The following HMCN1 variants were observed in gnomAD, a reference collection of about 807,000 sequenced individuals.
HMCN1 encodes the protein hemicentin 1.
HMCN1 carries 321 observed loss-of-function variants against 625.9 expected under a neutral mutation model. The observed-to-expected ratio is 0.51, with a 90% CI of 0.47 to 0.56. The LOEUF is 0.56. HMCN1 is among the 20% of genes least tolerant of loss of function. The pLI is 0.00. For missense variants in HMCN1, 6,588 were observed against 6,887.3 expected (o/e 0.96, Z 1.54); for synonymous variants, 2,425 against 2,417.6 (o/e 1.00, Z -0.09).
intron 1 of HMCN1, among the ~76,000 whole-genome samples, chr1:185,787,039 T>A (rs1288114729): frequency 6.6e-6 from 1 of 152,204 alleles, no homozygotes; most frequent in Non-Finnish European, 1.5e-5. Flanking sequence ...TAAGCTAGAA[T>A]ATGTTCCTTT....
rs1169995186 is a variant in HMCN1, at chr1:186,168,658, G to C, written c.15574+1716G>C. On this transcript the variant is annotated intron_variant, in intron 100 of 106. Coordinates refer to ENST00000271588, the MANE Select transcript of HMCN1 (RefSeq NM_031935.3). Reference sequence around the variant, plus strand: ...GTTTGGAATATAGCAAGACAGAAGTGGCAGGAACTGGAGATGAGTATAGAC... The same window carrying C: ...GTTTGGAATATAGCAAGACAGAAGTCGCAGGAACTGGAGATGAGTATAGAC... Among the ~76,000 whole-genome samples the C allele has an allele frequency of 2.0e-5, 3 of 152,052 alleles. No individual in the cohort carries two copies. The East Asian group carries it at 5.8e-4, about 29-fold the overall frequency.
Position 185,982,377 on chromosome 1 carries a change from G to T in HMCN1, c.2778G>T (p.Lys926Asn). 1 of 1,613,206 alleles carries T rather than the reference G, an allele frequency of 6.2e-7. No individual in the cohort carries two copies. The highest frequency in any genetic ancestry group is 1.1e-5 in the South Asian group (1 of 91,048). Residue 926 changes from lysine (K) to asparagine (N), a missense_variant, in exon 18 of 107, where the codon AAG (lysine) becomes AAT (asparagine). Lys to Asn is a moderately conservative substitution (Grantham distance 94, BLOSUM62 0). Transcript: ENST00000271588. ...GNPIPERRWI[K>N]NSAMLLQNPY... The stretch of plus-strand genomic sequence containing the variant: ...CCATTCCAGAACGTCGGTGGATTAA[G>T]AATTCAGCTATGGTAAGAACATTTT...
Position 186,145,419 on chromosome 1 carries a change from T to C in HMCN1, c.14283T>C (p.Ser4761=). ...GTCTTGTAGCCCATGGTAACTGGAGTCCTTGGAGTGGCTGGGGAACATGCA... is the reference window on the plus strand; with the variant it reads ...GTCTTGTAGCCCATGGTAACTGGAGCCCTTGGAGTGGCTGGGGAACATGCA... ...SDPCPTHGNW[S]PWSGWGTCSR... is the part of the protein sequence containing the mutation. Residue 4761 remains serine (S), a synonymous_variant, in exon 92 of 107, where the codon AGT becomes AGC. Transcript: ENST00000271588. The C allele has an allele frequency of 1.3e-6, 2 of 1,584,224 alleles. No individual in the cohort carries two copies. The highest frequency in any genetic ancestry group is 1.7e-6 in the Non-Finnish European group (2 of 1,165,354).
At position 186,144,718 on chromosome 1, in the gene HMCN1, TAGTG is replaced by T. The variant is rs770465309; in HGVS notation, c.14266+19_14266+22del. On this transcript the variant is annotated intron_variant, in intron 91 of 106. Transcript: ENST00000271588. ...CCCTTGCCCAAGTGAGTGTTGGAAA[TAGTG>T]AGTCAACATTATACTTTCATAAAGT... The T allele has an allele frequency of 1.9e-6, 3 of 1,613,326 alleles. No individual in the cohort carries two copies. Among genetic ancestry groups the T allele is most frequent in the African/African-American group, 1.3e-5 (1 of 74,898 alleles).
At chr1:185,919,927 T>A (rs1242879762) in intron 6 of HMCN1, among the ~76,000 whole-genome samples, 1 of 152,216 alleles carries the variant, frequency 6.6e-6, no homozygotes, top group African/African-American at 2.4e-5. Flanking sequence ...TTTTTTCTCC[T>A]CCCTTTTCCA....
chr1:186,174,380 T>G, intron 102 of HMCN1, 134 bp from the exon 103 acceptor site: 2 of 1,004,450 alleles, frequency 2.0e-6, no homozygotes, highest in Admixed American at 3.8e-5. Context: ...TGATTCCAAG[T>G]TGTAAGCTGG....
chr1:185,908,316 C>T (rs553660107), intron 4 of HMCN1, among the ~76,000 whole-genome samples: 4 of 151,820 alleles, frequency 2.6e-5, no homozygotes, highest in African/African-American at 4.8e-5. Context: ...ACCACTTACA[C>T]CTAAATTTCA....
chr1:186,130,714 T>C lies in HMCN1; in HGVS notation c.13230+17T>C. Reference sequence around the variant, plus strand: ...GGCACTGTTGTAAGTCACGCCAGAATGATTGATGCACCTTTAAACCCCCAC... The same window carrying C: ...GGCACTGTTGTAAGTCACGCCAGAACGATTGATGCACCTTTAAACCCCCAC... On this transcript the variant is annotated intron_variant, in intron 85 of 106. Coordinates refer to ENST00000271588, the MANE Select transcript of HMCN1 (RefSeq NM_031935.3). 4 of 1,609,900 alleles carry C rather than the reference T, an allele frequency of 2.5e-6. No homozygotes were observed. In the South Asian group the frequency reaches 3.3e-5, roughly 13 times the overall value.
intron 1 of HMCN1, among the ~76,000 whole-genome samples, chr1:185,829,279 A>AT (rs987463180): frequency 7.4e-5 from 11 of 147,662 alleles, no homozygotes; most frequent in East Asian, 3.9e-4. Context: ...ACTTTGTTTC[A>AT]TTTTTTTTTT....
chr1:185,790,899 G>T (rs1485201805), intron 1 of HMCN1, among the ~76,000 whole-genome samples: 1 of 152,078 alleles, frequency 6.6e-6, no homozygotes, highest in Non-Finnish European at 1.5e-5. Flanking sequence ...ATTTATGAGA[G>T]ACTAATGGTG....
chr1:185,948,821 G>T (rs1440475695), intron 11 of HMCN1, among the ~76,000 whole-genome samples: 2 of 151,510 alleles, frequency 1.3e-5, no homozygotes, highest in African/African-American at 4.9e-5. Flanking sequence ...TATGGAGAGA[G>T]AATGGGCGAT....
chr1:185,819,351 A>AT (rs1194412098), intron 1 of HMCN1, among the ~76,000 whole-genome samples: 1 of 151,864 alleles, frequency 6.6e-6, no homozygotes, highest in African/African-American at 2.4e-5. Flanking sequence ...CATTTTCTTG[A>AT]TTTTAAAATT....
intron 84 of HMCN1, among the ~76,000 whole-genome samples, 159 bp downstream of exon 84, chr1:186,130,259 A>G (rs1379611525): frequency 6.6e-6 from 1 of 152,206 alleles, no homozygotes; most frequent in African/African-American, 2.4e-5. Context: ...AATTATGAAC[A>G]TTCAACTCAA....
intron 52 of HMCN1, among the ~76,000 whole-genome samples, chr1:186,073,426 G>A (rs926761345): frequency 3.3e-5 from 5 of 152,146 alleles, no homozygotes; most frequent in African/African-American, 1.2e-4. Flanking sequence ...AAGTCATTTG[G>A]CAACAAATGT....
chr1:185,961,209 G>A lies in HMCN1; in HGVS notation c.1829-1309G>A, dbSNP rs186605649. On this transcript the variant is annotated intron_variant, in intron 11 of 106. Transcript: ENST00000271588. ...TCAGTTGTGTAGCTGCTGCCGCCCA[G>A]CATACCATTTGTATCTCTCACATGT... Among the ~76,000 whole-genome samples, 8 of 152,294 alleles carry A rather than the reference G, an allele frequency of 5.3e-5. No individual in the cohort carries two copies. The East Asian group carries it at 1.5e-3, about 29-fold the overall frequency.
At position 185,858,333 on chromosome 1, in the gene HMCN1, A is replaced by G. The variant is rs1239187633; in HGVS notation, c.340-6137A>G. Among the ~76,000 whole-genome samples the G allele has an allele frequency of 2.6e-5, 4 of 152,164 alleles. No homozygotes were observed. The East Asian group carries it at 7.7e-4, about 29-fold the overall frequency. On this transcript the variant is annotated intron_variant, in intron 2 of 106. Transcript: ENST00000271588. ...TTCTTCAGTTGTAAGTTCTTCCATC[A>G]TAAATGTTTATGGATTATGATTTTA... is the stretch of plus-strand genomic sequence containing the variant.
intron 36 of HMCN1, among the ~76,000 whole-genome samples, chr1:186,026,468 T>C (rs1447367878): frequency 1.3e-5 from 2 of 152,196 alleles, no homozygotes; most frequent in Non-Finnish European, 2.9e-5. Context: ...CTAGCCCAAT[T>C]AATACTGTTG....
At chr1:186,070,485 A>G in intron 51 of HMCN1, 127 bp from the exon 52 acceptor site, 1 of 781,290 alleles carries the variant, frequency 1.3e-6, no homozygotes. Context: ...TACTTAATGA[A>G]AGGTCAGCAT....
intron 81 of HMCN1, among the ~76,000 whole-genome samples, chr1:186,125,130 T>G (rs1661583056): frequency 6.6e-6 from 1 of 152,114 alleles, no homozygotes; most frequent in African/African-American, 2.4e-5. Context: ...CAATAAGTAT[T>G]TTTTTTTCTA....
Sources: gnomAD v4.1 joint callset for allele counts (sites outside exome capture counted in the v4.1 genomes callset) on GRCh38, gnomAD v4.1.1 for gene constraint, MANE v1.5 for transcripts, NCBI Gene and HGNC (gene_info 2026-07-23, HGNC 2026-07-21) for gene names.